Variants in SMAP1 observed in about 807,000 individuals in gnomAD.
SMAP1 encodes the protein stromal membrane-associated protein 1.
SMAP1 carries 24 observed loss-of-function variants against 58.5 expected under a neutral mutation model. The ratio of observed to expected loss-of-function variants is 0.41; its 90% CI spans 0.30 to 0.58. The LOEUF is 0.58. SMAP1 is among the 20% of genes least tolerant of loss of function. SMAP1 has a pLI of 0.29. For synonymous variants in SMAP1, 216 were observed against 196.6 expected, an observed-to-expected ratio of 1.10 and a Z score of -0.82; for missense variants, 563 against 566.3, an observed-to-expected ratio of 0.99 and a Z score of 0.06.
intron 6 of SMAP1, 103 bp downstream of exon 6, chr6:70,798,840 AT>A: frequency 1.1e-6 from 1 of 952,302 alleles, no homozygotes; most frequent in Non-Finnish European, 1.5e-6. Context: ...AATAATCATT[AT>A]TTTCAACAAG....
rs372232360 is a variant in SMAP1 at position 70,687,440 on chromosome 6, A to G, written c.118+19299A>G. 1.9e-3 allele frequency among the ~76,000 whole-genome samples: 293 copies of G among 152,296 alleles called. 16 individuals carry two copies. In the South Asian group the frequency reaches 0.058, roughly 30 times the overall value. On this transcript the variant is annotated intron_variant, in intron 1 of 10. Coordinates refer to ENST00000370455, the MANE Select transcript of SMAP1 (RefSeq NM_001044305.3). ...TATATATTTATTGCTGAATGATTAT[A>G]GTACATTTTTCTCAATGTAGGGCAT...
chr6:70,773,480 T>TA, intron 4 of SMAP1, 55 bp downstream of exon 4: 1 of 945,792 alleles, frequency 1.1e-6, no homozygotes, highest in Non-Finnish European at 1.6e-6. Context: ...TTCAAACTTT[T>TA]AACATGCAAT....
chr6:70,842,866 G>A (rs533501355), intron 7 of SMAP1, among the ~76,000 whole-genome samples: 8 of 152,250 alleles, frequency 5.3e-5, no homozygotes, highest in African/African-American at 1.2e-4. Context: ...TCAGGACCAC[G>A]CCTAAAGGAT....
At chr6:70,702,215 G>T (rs1223197377) in intron 1 of SMAP1, among the ~76,000 whole-genome samples, 4 of 150,940 alleles carry the variant, frequency 2.7e-5, no homozygotes, top group Middle Eastern at 3.4e-3. Flanking sequence ...TCTTTTTTGG[G>T]GGGGGTTCCT....
chr6:70,729,241 C>A lies in SMAP1; in HGVS notation c.119-3137C>A, dbSNP rs182661530. 2.6e-5 allele frequency among the ~76,000 whole-genome samples: 4 copies of A among 152,046 alleles called. No individual in the cohort carries two copies. In the East Asian group the frequency reaches 7.7e-4, roughly 29 times the overall value. The stretch of plus-strand genomic sequence containing the variant: ...GATCACGAGGTCAGGAGATCAAGAC[C>A]ATCCTGGCTAACATGGTGAAACCCC... On this transcript the variant is annotated intron_variant, in intron 1 of 10. Transcript: ENST00000370455.
intron 6 of SMAP1, among the ~76,000 whole-genome samples, chr6:70,825,516 A>G (rs970217709): frequency 5.3e-5 from 8 of 152,202 alleles, no homozygotes; most frequent in Non-Finnish European, 1.2e-4. Flanking sequence ...CTGTAGGTAT[A>G]GCCACTCCTG....
At chr6:70,767,845 G>T (rs1334090580) in intron 3 of SMAP1, among the ~76,000 whole-genome samples, 17 of 139,932 alleles carry the variant, frequency 1.2e-4, no homozygotes, top group Non-Finnish European at 2.3e-4. Context: ...CAAAGGGAAT[G>T]CTTCCAGTTT....
At chr6:70,773,158 T>C in intron 3 of SMAP1, 192 bp from the exon 4 acceptor site, 1 of 434,796 alleles carries the variant, frequency 2.3e-6, no homozygotes, top group Non-Finnish European at 4.1e-6. Flanking sequence ...GAAAATTTCC[T>C]GAAAGAGGTA....
intron 3 of SMAP1, among the ~76,000 whole-genome samples, chr6:70,764,879 A>C (rs555787399): frequency 6.6e-6 from 1 of 152,246 alleles, no homozygotes; most frequent in East Asian, 1.9e-4. Context: ...AGTTCACTGC[A>C]CCCCTGACTT....
At chr6:70,787,522 A>T (rs965349051) in intron 4 of SMAP1, among the ~76,000 whole-genome samples, 6 of 152,202 alleles carry the variant, frequency 3.9e-5, no homozygotes, top group African/African-American at 1.4e-4. Context: ...AACCTACAAA[A>T]TGGGAGAAAA....
At chr6:70,723,926 A>G (rs553029196) in intron 1 of SMAP1, among the ~76,000 whole-genome samples, 2 of 152,052 alleles carry the variant, frequency 1.3e-5, no homozygotes, top group Admixed American at 6.5e-5. Context: ...TTTATTTTCT[A>G]TTATGTTATT....
chr6:70,729,702 G>A (rs1357280133), intron 1 of SMAP1, among the ~76,000 whole-genome samples: 1 of 152,074 alleles, frequency 6.6e-6, no homozygotes, highest in African/African-American at 2.4e-5. Context: ...TTTTCTATGA[G>A]TAAGCCCTGT....
At chr6:70,668,274 T>G (rs1766115933) in intron 1 of SMAP1, 133 bp downstream of exon 1, 1 of 887,010 alleles carries the variant, frequency 1.1e-6, no homozygotes. Flanking sequence ...GGAGGGCGGG[T>G]GGCTGAGCGG....
intron 6 of SMAP1, among the ~76,000 whole-genome samples, chr6:70,834,461 C>T (rs1236088754): frequency 6.6e-6 from 1 of 151,746 alleles, no homozygotes; most frequent in African/African-American, 2.4e-5. Context: ...ACATCTGAGC[C>T]TCAGTTAATT....
At chr6:70,817,181 G>A (rs1428005214) in intron 6 of SMAP1, among the ~76,000 whole-genome samples, 1 of 150,008 alleles carries the variant, frequency 6.7e-6, no homozygotes, top group Non-Finnish European at 1.5e-5. Flanking sequence ...TACTAACCCT[G>A]CTCAAGCCGC....
chr6:70,748,469 G>C (rs943561160), intron 2 of SMAP1, among the ~76,000 whole-genome samples: 1 of 151,970 alleles, frequency 6.6e-6, no homozygotes, highest in African/African-American at 2.4e-5. Context: ...AAAAATGCAT[G>C]GTAAATAAAT....
chr6:70,761,942 T>C (rs970319226), intron 3 of SMAP1, among the ~76,000 whole-genome samples: 4 of 152,124 alleles, frequency 2.6e-5, no homozygotes, highest in African/African-American at 9.7e-5. Flanking sequence ...TGAGTATTAC[T>C]ATCTTTTTTA....
At chr6:70,701,187 C>T (rs1221214327) in intron 1 of SMAP1, among the ~76,000 whole-genome samples, 2 of 152,132 alleles carry the variant, frequency 1.3e-5, no homozygotes, top group Non-Finnish European at 2.9e-5. Flanking sequence ...CTCAAGCAAT[C>T]CTTCTACCTC....
rs572794751 is a variant in SMAP1, at chr6:70,835,238, C to T, written c.577-1703C>T. Among the ~76,000 whole-genome samples the T allele has an allele frequency of 2.7e-3, 327 of 121,438 alleles. 3 individuals carry two copies. Among genetic ancestry groups the T allele is most frequent in the Admixed American group, 8.7e-3 (77 of 8,862 alleles). 79.7% of individuals were successfully genotyped at this position (121,438 alleles called of 152,430 possible). ...CTGCACTCCAGCCTGGGCTACAGAG[C>T]GAGACTCCGTCTCAAAAAAAAAAAA... On this transcript the variant is annotated intron_variant, in intron 6 of 10. Coordinates refer to ENST00000370455, the MANE Select transcript of SMAP1 (RefSeq NM_001044305.3).
Sources: allele counts gnomAD v4.1 joint callset (sites outside exome capture counted in the v4.1 genomes callset), GRCh38; gene constraint gnomAD v4.1.1; transcripts MANE v1.5; gene names NCBI Gene and HGNC (gene_info 2026-07-23, HGNC 2026-07-21).